CFDP1: variants seen among roughly 807,000 people sequenced by gnomAD.
The protein encoded by CFDP1 is heterochromatin-stabilizing protein CFDP1.
Under a neutral mutation model 40.1 loss-of-function variants are expected in CFDP1, and 31 were observed. That is an observed-to-expected ratio of 0.77 (90% CI 0.58 to 1.04). CFDP1 has a LOEUF of 1.04. Ranked by LOEUF, CFDP1 falls within the 50% of genes least tolerant of loss-of-function variation. The probability of loss-of-function intolerance (pLI) is 0.00; values close to 1 mark genes in which losing one functional copy is unlikely to be tolerated. For missense variants in CFDP1, 423 were observed against 343.4 expected, an observed-to-expected ratio of 1.23 and a Z score of -1.83; for synonymous variants, 167 against 120.0, an observed-to-expected ratio of 1.39 and a Z score of -2.56.
chr16:75,311,533 C>G (rs1322407969), intron 5 of CFDP1, among the ~76,000 whole-genome samples: 1 of 152,178 alleles, frequency 6.6e-6, no homozygotes, highest in African/African-American at 2.4e-5. Flanking sequence ...TACACTTGAA[C>G]TGACAGACCA....
intron 5 of CFDP1, among the ~76,000 whole-genome samples, chr16:75,317,219 A>T (rs2078329657): frequency 6.6e-6 from 1 of 152,168 alleles, no homozygotes; most frequent in Non-Finnish European, 1.5e-5. Context: ...AGCAGCAAAG[A>T]AAACCTCTTC....
intron 5 of CFDP1, among the ~76,000 whole-genome samples, chr16:75,345,329 T>A (rs139321092): frequency 6.6e-6 from 1 of 152,094 alleles, no homozygotes; most frequent in Admixed American, 6.5e-5. Context: ...TGGTGGTACA[T>A]GCCTGTAGTC....
intron 1 of CFDP1, among the ~76,000 whole-genome samples, chr16:75,432,370 T>A (rs1283058030): frequency 2.8e-5 from 3 of 105,572 alleles, no homozygotes; most frequent in Non-Finnish European, 3.7e-5. Context: ...ATGCCATTTC[T>A]AAAAAAAAAA....
chr16:75,421,929 A>C (rs1240941192), intron 1 of CFDP1, among the ~76,000 whole-genome samples: 1 of 152,220 alleles, frequency 6.6e-6, no homozygotes, highest in African/African-American at 2.4e-5. Flanking sequence ...AACTATGTAC[A>C]TCCTCTTGCA....
chr16:75,319,435 T>C (rs1399896668), intron 5 of CFDP1, among the ~76,000 whole-genome samples: 1 of 152,110 alleles, frequency 6.6e-6, no homozygotes, highest in African/African-American at 2.4e-5. Context: ...CACCTCAAAG[T>C]TACATCTGGG....
intron 5 of CFDP1, among the ~76,000 whole-genome samples, chr16:75,314,356 A>G (rs189827298): frequency 6.6e-6 from 1 of 152,312 alleles, no homozygotes; most frequent in Non-Finnish European, 1.5e-5. Context: ...GTTAAGCGAG[A>G]GAAGCCAGGA....
intron 5 of CFDP1, among the ~76,000 whole-genome samples, chr16:75,353,302 A>G (rs2078625107): frequency 1.3e-5 from 2 of 152,210 alleles, no homozygotes; most frequent in Admixed American, 1.3e-4. Context: ...TAGGTATGTG[A>G]ATAGTATGTA....
intron 4 of CFDP1, among the ~76,000 whole-genome samples, chr16:75,399,918 A>G (rs968153745): frequency 2.0e-5 from 3 of 152,014 alleles, no homozygotes; most frequent in Admixed American, 6.6e-5. Context: ...CCTGATCAAC[A>G]TGGAGAAACC....
rs759176023 is a variant in CFDP1, at chr16:75,420,665, A to T, written c.65-5970T>A. 3.9e-5 allele frequency among the ~76,000 whole-genome samples: 6 copies of T among 152,340 alleles called. No individual in the cohort carries two copies. The South Asian group carries it at 1.2e-3, about 32-fold the overall frequency. On this transcript the variant is annotated intron_variant, in intron 1 of 6. Transcript: ENST00000283882. ...GTATGATCTATATATAAGATAAAACATTTACTAAAATAAATGGGTAGAAAT... is the reference window on the plus strand; with the variant it reads ...GTATGATCTATATATAAGATAAAACTTTTACTAAAATAAATGGGTAGAAAT...
rs143364101 is a variant in CFDP1, at chr16:75,359,380, T to C, written c.650+35710A>G. 6.6e-5 allele frequency among the ~76,000 whole-genome samples: 10 copies of C among 152,282 alleles called. No individual in the cohort carries two copies. The East Asian group carries it at 1.9e-3, about 29-fold the overall frequency. ...CAACAGGAAAAGAAAGCCAGATTCT[T>C]ATTAACAGAGAATAATTCACACCAC... On this transcript the variant is annotated intron_variant, in intron 5 of 6. Transcript: ENST00000283882.
chr16:75,333,383 A>G (rs1166935390), intron 5 of CFDP1, among the ~76,000 whole-genome samples: 1 of 152,058 alleles, frequency 6.6e-6, no homozygotes, highest in Non-Finnish European at 1.5e-5. Flanking sequence ...TCGGCCTCCC[A>G]AAGTGCTGGG....
chr16:75,401,927 T>C (rs2079058550), intron 4 of CFDP1, among the ~76,000 whole-genome samples: 1 of 152,174 alleles, frequency 6.6e-6, no homozygotes, highest in African/African-American at 2.4e-5. Flanking sequence ...AAGCAAGTCA[T>C]TGTAATACAT....
intron 5 of CFDP1, among the ~76,000 whole-genome samples, chr16:75,376,069 G>A (rs1244062227): frequency 6.6e-6 from 1 of 152,118 alleles, no homozygotes; most frequent in Non-Finnish European, 1.5e-5. Context: ...AAATTAGCCA[G>A]ACATAGTGGT....
chr16:75,376,582 G>GC (rs1199341496), intron 5 of CFDP1, among the ~76,000 whole-genome samples: 2 of 152,186 alleles, frequency 1.3e-5, no homozygotes, highest in African/African-American at 4.8e-5. Flanking sequence ...GGGGCAAAGA[G>GC]CATAGGGCAA....
At chr16:75,421,708 G>C (rs939181727) in intron 1 of CFDP1, among the ~76,000 whole-genome samples, 5 of 152,080 alleles carry the variant, frequency 3.3e-5, no homozygotes, top group African/African-American at 1.2e-4. Context: ...CATTTTATGA[G>C]GCCTGCATTA....
At chr16:75,335,899 C>T (rs1182376698) in intron 5 of CFDP1, among the ~76,000 whole-genome samples, 1 of 152,094 alleles carries the variant, frequency 6.6e-6, no homozygotes, top group Non-Finnish European at 1.5e-5. Flanking sequence ...GGAAATAAAG[C>T]TCTGCAAGCA....
At chr16:75,424,056 C>T (rs1024219659) in intron 1 of CFDP1, among the ~76,000 whole-genome samples, 4 of 147,826 alleles carry the variant, frequency 2.7e-5, no homozygotes, top group Admixed American at 6.7e-5. Flanking sequence ...TATTAACAGA[C>T]AAAAAAAAAG....
chr16:75,315,673 T>A (rs889190041), intron 5 of CFDP1, among the ~76,000 whole-genome samples: 2 of 152,210 alleles, frequency 1.3e-5, no homozygotes, highest in Admixed American at 6.5e-5. Context: ...TTTTGCCACA[T>A]ATAACTTTTC....
At chr16:75,332,112 G>A (rs1359059975) in intron 5 of CFDP1, among the ~76,000 whole-genome samples, 2 of 152,136 alleles carry the variant, frequency 1.3e-5, no homozygotes, top group African/African-American at 2.4e-5. Flanking sequence ...TTTGTGAAAT[G>A]TCTGTCAATT....
Sources: allele counts gnomAD v4.1 joint callset (sites outside exome capture counted in the v4.1 genomes callset), GRCh38; gene constraint gnomAD v4.1.1; transcripts MANE v1.5; gene names NCBI Gene and HGNC (gene_info 2026-07-23, HGNC 2026-07-21).